MAGI2: variants seen among roughly 807,000 people sequenced by gnomAD.
MAGI2 encodes the protein membrane-associated guanylate kinase, WW and PDZ domain-containing protein 2.
A neutral mutation model predicts 133.3 loss-of-function variants in MAGI2; 35 were observed. The observed-to-expected ratio is 0.26, with a 90% CI of 0.20 to 0.35. The LOEUF is 0.35. Among genes scored for constraint, MAGI2 ranks in the 10% least tolerant of loss-of-function variants. The probability of loss-of-function intolerance (pLI) is 1.00; values close to 1 mark genes in which losing one functional copy is unlikely to be tolerated. For synonymous variants in MAGI2, 729 were observed against 710.6 expected (o/e 1.03, Z -0.41); for missense variants, 1,636 against 1,863.4 (o/e 0.88, Z 2.25).
intron 3 of MAGI2, among the ~76,000 whole-genome samples, chr7:78,591,584 A>C (rs1804009945): frequency 6.6e-6 from 1 of 152,234 alleles, no homozygotes; most frequent in Admixed American, 6.5e-5. Flanking sequence ...GGAAACAAGC[A>C]AATAAGCAGG....
intron 3 of MAGI2, among the ~76,000 whole-genome samples, chr7:78,598,571 A>C (rs1012315221): frequency 7.9e-5 from 12 of 152,190 alleles, no homozygotes; most frequent in African/African-American, 2.9e-4. Context: ...ACCCCAAAGG[A>C]TTTTTAAGCA....
chr7:78,272,473 G>A (rs532634820), intron 9 of MAGI2, among the ~76,000 whole-genome samples: 2 of 152,308 alleles, frequency 1.3e-5, no homozygotes, highest in East Asian at 3.9e-4. Flanking sequence ...GTCCAGAGCT[G>A]AGTTCAAGTC....
At chr7:78,083,816 G>T (rs1466084376) in intron 20 of MAGI2, among the ~76,000 whole-genome samples, 1 of 152,126 alleles carries the variant, frequency 6.6e-6, no homozygotes, top group Non-Finnish European at 1.5e-5. Flanking sequence ...TTTGCCTATG[G>T]AAGGCCAAGG....
chr7:79,418,926 CATTTT>C (rs57060018), intron 1 of MAGI2, among the ~76,000 whole-genome samples: 4,136 of 151,236 alleles, frequency 0.027, 171 homozygotes, highest in African/African-American at 0.096. Context: ...CAAGCTCATA[CATTTT>C]ATTTTGTTTT....
chr7:79,266,533 T>G (rs2129556854), intron 1 of MAGI2, among the ~76,000 whole-genome samples: 1 of 152,134 alleles, frequency 6.6e-6, no homozygotes, highest in Admixed American at 6.5e-5. Context: ...AAGGTCTGGT[T>G]TGAAAAGCTA....
chr7:78,362,410 ATGAG>A (rs1224662969), intron 7 of MAGI2, among the ~76,000 whole-genome samples: 2 of 152,216 alleles, frequency 1.3e-5, no homozygotes, highest in Non-Finnish European at 2.9e-5. Context: ...TGAAGTTTTC[ATGAG>A]TGAGTAGTAC....
chr7:78,448,442 G>C (rs17353183), intron 6 of MAGI2, among the ~76,000 whole-genome samples: 11,227 of 151,958 alleles, frequency 0.074, 405 homozygotes, highest in Non-Finnish European at 0.088. Flanking sequence ...GCAACGAGGG[G>C]GCTCACCAGA....
chr7:79,006,499 T>C (rs1367553943), intron 2 of MAGI2, among the ~76,000 whole-genome samples: 2 of 152,152 alleles, frequency 1.3e-5, no homozygotes, highest in African/African-American at 4.8e-5. Flanking sequence ...TACCAATTCC[T>C]CTCCTTGGAA....
intron 7 of MAGI2, among the ~76,000 whole-genome samples, chr7:78,355,850 GA>G (rs1325318646): frequency 6.6e-5 from 10 of 152,260 alleles, no homozygotes; most frequent in African/African-American, 2.4e-4. Flanking sequence ...TGAAAATACA[GA>G]TATATTAAAT....
At position 78,046,412 on chromosome 7, in the gene MAGI2, A is replaced by AC. The variant is rs1397718264; in HGVS notation, c.3707-26437_3707-26436insG. On this transcript the variant is annotated intron_variant, in intron 21 of 21. Coordinates refer to ENST00000354212, the MANE Select transcript of MAGI2 (RefSeq NM_012301.4). Reference sequence around the variant, plus strand: ...GCGAGACTCTGTCTCAAAAAAAAACAAAAAAAAAACAAAGGAATGTGTCCA... The same window carrying AC: ...GCGAGACTCTGTCTCAAAAAAAAACACAAAAAAAAACAAAGGAATGTGTCCA... Among the ~76,000 whole-genome samples, 309 of 112,928 alleles carry AC rather than the reference A, an allele frequency of 2.7e-3. 3 individuals are homozygous for AC. The highest frequency in any genetic ancestry group is 4.1e-3 in the Non-Finnish European group (206 of 50,718). 74.1% of individuals were successfully genotyped at this position (112,928 alleles called of 152,430 possible). A position where few individuals can be genotyped will look rare whatever the true frequency, so the allele number is the denominator to read the frequency against.
intron 6 of MAGI2, among the ~76,000 whole-genome samples, chr7:78,459,974 CTGTTGGG>C (rs1789786821): frequency 6.6e-6 from 1 of 152,200 alleles, no homozygotes; most frequent in Non-Finnish European, 1.5e-5. Flanking sequence ...GAATGGACAT[CTGTTGGG>C]CTGCACCCCA....
intron 2 of MAGI2, among the ~76,000 whole-genome samples, chr7:78,783,012 C>CTTTTTT (rs11432048): frequency 4.2e-5 from 4 of 96,230 alleles, no homozygotes; most frequent in Non-Finnish European, 5.8e-5. Flanking sequence ...TGATTCTTAC[C>CTTTTTT]TTTTTTTTTT....
chr7:78,489,204 C>A (rs957828118), intron 6 of MAGI2, among the ~76,000 whole-genome samples: 1 of 151,862 alleles, frequency 6.6e-6, no homozygotes. Context: ...TTCACATGCA[C>A]GAAAACGGTC....
intron 1 of MAGI2, among the ~76,000 whole-genome samples, chr7:79,236,602 C>T (rs899354617): frequency 6.6e-6 from 1 of 152,212 alleles, no homozygotes; most frequent in African/African-American, 2.4e-5. Context: ...TGTCTTTAGA[C>T]CTCATGTCCC....
chr7:78,528,851 G>C (rs959301493), intron 3 of MAGI2, among the ~76,000 whole-genome samples: 10 of 152,044 alleles, frequency 6.6e-5, no homozygotes, highest in African/African-American at 1.7e-4. Context: ...ACATGTGTCA[G>C]AAATAAGAAA....
At chr7:78,089,752 C>A (rs1816998900) in intron 20 of MAGI2, among the ~76,000 whole-genome samples, 1 of 152,136 alleles carries the variant, frequency 6.6e-6, no homozygotes, top group Non-Finnish European at 1.5e-5. Context: ...CTCTCATTTC[C>A]CATTTCTCTT....
At chr7:79,329,779 A>G (rs548478869) in intron 1 of MAGI2, among the ~76,000 whole-genome samples, 2 of 152,308 alleles carry the variant, frequency 1.3e-5, no homozygotes, top group Admixed American at 1.3e-4. Flanking sequence ...TAAATGGAGG[A>G]GCACTATATC....
At chr7:78,579,931 G>A (rs753012422) in intron 3 of MAGI2, among the ~76,000 whole-genome samples, 20 of 152,034 alleles carry the variant, frequency 1.3e-4, no homozygotes, top group Non-Finnish European at 2.6e-4. Context: ...CCAACTGCTC[G>A]TCTATTGATC....
At chr7:78,575,913 C>T (rs1802220292) in intron 3 of MAGI2, among the ~76,000 whole-genome samples, 1 of 152,066 alleles carries the variant, frequency 6.6e-6, no homozygotes, top group Non-Finnish European at 1.5e-5. Flanking sequence ...AATGTATGGA[C>T]TTCAGTTAAT....
Sources: allele counts gnomAD v4.1 joint callset (sites outside exome capture counted in the v4.1 genomes callset), GRCh38; gene constraint gnomAD v4.1.1; transcripts MANE v1.5; gene names NCBI Gene and HGNC (gene_info 2026-07-23, HGNC 2026-07-21).